FOXO1: variants seen among roughly 807,000 people sequenced by gnomAD.
The protein encoded by FOXO1 is forkhead box protein O1.
Under a neutral mutation model 44.1 loss-of-function variants are expected in FOXO1, and 6 were observed. The observed-to-expected ratio is 0.14, with a 90% confidence interval of 0.07 to 0.27. The LOEUF is 0.27. Ranked by LOEUF, FOXO1 falls within the 10% of genes least tolerant of loss-of-function variation. The pLI is 1.00. For synonymous variants in FOXO1, 380 were observed against 362.7 expected (o/e 1.05, Z -0.54); for missense variants, 737 against 888.8 (o/e 0.83, Z 2.17).
chr13:40,607,269 G>A (rs1247657424), intron 1 of FOXO1, among the ~76,000 whole-genome samples: 6 of 152,144 alleles, frequency 3.9e-5, no homozygotes, highest in South Asian at 2.1e-4. Context: ...TGCTACACCC[G>A]GAGCGCCTAG....
At chr13:40,658,459 T>C (rs745818406) in intron 1 of FOXO1, among the ~76,000 whole-genome samples, 2 of 152,164 alleles carry the variant, frequency 1.3e-5, no homozygotes, top group African/African-American at 2.4e-5. Context: ...AAATACAGTA[T>C]GTTCAGTTTT....
intron 1 of FOXO1, among the ~76,000 whole-genome samples, chr13:40,608,880 T>C (rs1203662643): frequency 6.6e-6 from 1 of 152,218 alleles, no homozygotes; most frequent in East Asian, 1.9e-4. Flanking sequence ...TTATTAAAGA[T>C]AATTTTCAGC....
chr13:40,566,947 GAA>G (rs1456718159), intron 1 of FOXO1, among the ~76,000 whole-genome samples: 1 of 152,028 alleles, frequency 6.6e-6, no homozygotes, highest in African/African-American at 2.4e-5. Context: ...AGACTGGGTT[GAA>G]AAAAGAGACC....
intron 1 of FOXO1, among the ~76,000 whole-genome samples, chr13:40,590,260 A>G (rs1875318177): frequency 6.6e-6 from 1 of 152,230 alleles, no homozygotes; most frequent in Non-Finnish European, 1.5e-5. Flanking sequence ...TAGACTAGTA[A>G]TATCTAATAA....
intron 1 of FOXO1, among the ~76,000 whole-genome samples, chr13:40,585,343 G>GCGCGCACACACACA (rs10623475): frequency 1.4e-4 from 21 of 147,130 alleles, no homozygotes; most frequent in African/African-American, 5.3e-4. Flanking sequence ...CTGCGCGCGC[G>GCGCGCACACACACA]CACACACACA....
chr13:40,570,316 A>T (rs575556017), intron 1 of FOXO1, among the ~76,000 whole-genome samples: 123 of 152,082 alleles, frequency 8.1e-4, no homozygotes, highest in Middle Eastern at 3.4e-3. Context: ...CTCCAAAAAA[A>T]AAAATAAAAT....
In FOXO1 at chr13:40,556,480, C is replaced by A. The variant is rs1310345824; in HGVS notation, c.*2569G>T. On this transcript the variant is annotated 3_prime_UTR_variant, in exon 3 of 3. Transcript: ENST00000379561. ...AGAGAAAATAAATCAAACAAGGCTG[C>A]ATAGGTGATATCATTTGCACATTTC... is the stretch of plus-strand genomic sequence containing the variant. The A allele has an allele frequency of 1.3e-5, 2 of 152,596 alleles. No homozygotes were observed. The highest frequency in any genetic ancestry group is 3.8e-4 in the East Asian group (2 of 5,204). 9.5% of individuals were successfully genotyped at this position (152,596 alleles called of 1,614,324 possible). A position where few individuals can be genotyped will look rare whatever the true frequency, so the allele number is the denominator to read the frequency against.
At chr13:40,644,556 A>G (rs762599183) in intron 1 of FOXO1, among the ~76,000 whole-genome samples, 1 of 152,226 alleles carries the variant, frequency 6.6e-6, no homozygotes, top group Non-Finnish European at 1.5e-5. Flanking sequence ...CCGGTGGGAT[A>G]TACCAGGTCA....
intron 1 of FOXO1, chr13:40,618,986 T>G (rs943351794): frequency 1.5e-5 from 8 of 520,252 alleles, no homozygotes; most frequent in African/African-American, 1.3e-4. Context: ...TCAGCCTGAC[T>G]CGAGAAATGG....
In FOXO1 at chr13:40,651,664, C is replaced by T. The variant is rs1472913237; in HGVS notation, c.630+13919G>A. ...TACAAATACATGACATACAAATATA[C>T]ATCTAAATATACATTATATTTATAA... On this transcript the variant is annotated intron_variant, in intron 1 of 2. Coordinates refer to ENST00000379561, the MANE Select transcript of FOXO1 (RefSeq NM_002015.4). 2.0e-5 allele frequency among the ~76,000 whole-genome samples: 3 copies of T among 151,474 alleles called. No homozygotes were observed. In the East Asian group the frequency reaches 5.8e-4, roughly 29 times the overall value.
intron 1 of FOXO1, chr13:40,611,168 A>G (rs888680131): frequency 1.7e-5 from 7 of 404,220 alleles, no homozygotes; most frequent in Admixed American, 1.2e-4. Context: ...TCTCAGAACA[A>G]TGAGTTTTGT....
intron 1 of FOXO1, among the ~76,000 whole-genome samples, chr13:40,564,034 G>A (rs1030565193): frequency 1.8e-4 from 28 of 152,144 alleles, no homozygotes; most frequent in African/African-American, 6.3e-4. Flanking sequence ...CTTGACTCCT[G>A]TCCCTGTCAC....
At chr13:40,599,985 C>A (rs1875757950) in intron 1 of FOXO1, among the ~76,000 whole-genome samples, 1 of 152,130 alleles carries the variant, frequency 6.6e-6, no homozygotes, top group Admixed American at 6.5e-5. Context: ...ATGGTTCCAG[C>A]CAACCAGGGG....
At chr13:40,651,091 G>T (rs9577090) in intron 1 of FOXO1, among the ~76,000 whole-genome samples, 61,980 of 150,122 alleles carry the variant, frequency 0.41, 14,007 homozygotes, top group East Asian at 0.75. Context: ...TTGGTTTTTT[G>T]TTTTTTGTTT....
chr13:40,599,472 C>G (rs1875737521), intron 1 of FOXO1, among the ~76,000 whole-genome samples: 1 of 152,210 alleles, frequency 6.6e-6, no homozygotes, highest in African/African-American at 2.4e-5. Flanking sequence ...GGGCTGTGTA[C>G]AGCTGGACGA....
At chr13:40,610,650 T>G (rs1337104031) in intron 1 of FOXO1, among the ~76,000 whole-genome samples, 1 of 152,212 alleles carries the variant, frequency 6.6e-6, no homozygotes, top group Non-Finnish European at 1.5e-5. Context: ...ACTAAGTCAT[T>G]CTGCCTTACC....
intron 1 of FOXO1, among the ~76,000 whole-genome samples, chr13:40,652,241 T>C (rs1362897606): frequency 6.6e-6 from 1 of 151,952 alleles, no homozygotes; most frequent in African/African-American, 2.4e-5. Context: ...CACAGTATAG[T>C]ATGAATGATG....
chr13:40,645,119 T>C (rs973515611), intron 1 of FOXO1, among the ~76,000 whole-genome samples: 3 of 152,216 alleles, frequency 2.0e-5, no homozygotes, highest in Non-Finnish European at 4.4e-5. Context: ...TGCATGAGTT[T>C]GTAGTTCTCT....
intron 1 of FOXO1, among the ~76,000 whole-genome samples, chr13:40,563,436 G>A (rs960803043): frequency 1.3e-5 from 2 of 152,126 alleles, no homozygotes; most frequent in Non-Finnish European, 2.9e-5. Flanking sequence ...ACTGCATTCC[G>A]CCTAAAGATT....
Sources: gnomAD v4.1 joint callset for allele counts (sites outside exome capture counted in the v4.1 genomes callset) on GRCh38, gnomAD v4.1.1 for gene constraint, MANE v1.5 for transcripts, NCBI Gene and HGNC (gene_info 2026-07-23, HGNC 2026-07-21) for gene names.